The following CNTN5 variants were observed in gnomAD, a reference collection of about 807,000 sequenced individuals.
The protein encoded by CNTN5 is contactin-5.
Under a neutral mutation model 129.1 loss-of-function variants are expected in CNTN5, and 77 were observed. The ratio of observed to expected loss-of-function variants is 0.60; its 90% CI spans 0.50 to 0.72. CNTN5 has a LOEUF of 0.72. Among genes scored for constraint, CNTN5 ranks in the 30% least tolerant of loss-of-function variants. CNTN5 has a pLI of 0.00. For missense variants in CNTN5, 1,478 were observed against 1,328.8 expected, an observed-to-expected ratio of 1.11 and a Z score of -1.75; for synonymous variants, 509 against 465.6, an observed-to-expected ratio of 1.09 and a Z score of -1.20.
chr11:100,171,750 A>G (rs1201378003), intron 13 of CNTN5, among the ~76,000 whole-genome samples: 1 of 151,916 alleles, frequency 6.6e-6, no homozygotes, highest in Non-Finnish European at 1.5e-5. Context: ...TGTGAGATCA[A>G]TTTCTCATTA....
At chr11:99,252,638 G>A (rs900101318) in intron 1 of CNTN5, among the ~76,000 whole-genome samples, 1 of 151,674 alleles carries the variant, frequency 6.6e-6, no homozygotes, top group East Asian at 1.9e-4. Flanking sequence ...TTTTTCATTT[G>A]GTGAGCATAA....
At chr11:99,205,131 G>T (rs941592338) in intron 1 of CNTN5, among the ~76,000 whole-genome samples, 1 of 149,234 alleles carries the variant, frequency 6.7e-6, no homozygotes, top group Non-Finnish European at 1.5e-5. Context: ...CTTTAGAATT[G>T]ATTTAGAATA....
chr11:100,295,036 T>C (rs1300450721), intron 18 of CNTN5, among the ~76,000 whole-genome samples: 2 of 151,636 alleles, frequency 1.3e-5, no homozygotes, highest in Non-Finnish European at 3.0e-5. Context: ...CCTAAAGTTT[T>C]CCATTAGTGA....
At chr11:99,637,868 C>A (rs935385232) in intron 3 of CNTN5, among the ~76,000 whole-genome samples, 2 of 152,006 alleles carry the variant, frequency 1.3e-5, no homozygotes, top group African/African-American at 4.8e-5. Flanking sequence ...CCTCCTGTGT[C>A]TCTGAGCCAG....
intron 1 of CNTN5, among the ~76,000 whole-genome samples, chr11:99,155,928 C>A (rs1360825983): frequency 2.0e-5 from 3 of 151,810 alleles, no homozygotes; most frequent in Non-Finnish European, 4.4e-5. Context: ...TTATACTCTT[C>A]TAGGGAATAA....
At chr11:100,049,625 G>A (rs542408231) in intron 9 of CNTN5, among the ~76,000 whole-genome samples, 29 of 152,114 alleles carry the variant, frequency 1.9e-4, no homozygotes, top group African/African-American at 6.5e-4. Flanking sequence ...TTGACAAATG[G>A]GATCTAATTA....
chr11:99,349,581 G>T (rs1022674979), intron 2 of CNTN5, among the ~76,000 whole-genome samples: 8 of 152,128 alleles, frequency 5.3e-5, no homozygotes, highest in Admixed American at 2.0e-4. Context: ...ATACACCATG[G>T]TGTAATGGAT....
intron 1 of CNTN5, among the ~76,000 whole-genome samples, chr11:99,048,353 T>C (rs1351978486): frequency 6.6e-6 from 1 of 152,124 alleles, no homozygotes; most frequent in African/African-American, 2.4e-5. Context: ...TGCTATGGCA[T>C]CAATCACTGC....
chr11:99,809,946 G>A (rs1410775197), intron 3 of CNTN5, among the ~76,000 whole-genome samples: 2 of 151,920 alleles, frequency 1.3e-5, no homozygotes, highest in Non-Finnish European at 2.9e-5. Context: ...AATTAATTTG[G>A]TTATATTTCT....
chr11:99,638,479 A>AAAAGTCC (rs796554399), intron 3 of CNTN5, among the ~76,000 whole-genome samples: 105 of 152,308 alleles, frequency 6.9e-4, no homozygotes, highest in African/African-American at 2.5e-3. Flanking sequence ...GCATTAACCC[A>AAAAGTCC]AAAGTCCAAA....
rs749584933 is a variant in CNTN5 at position 100,271,096 on chromosome 11, A to C, written c.2169A>C (p.Pro723=). The change falls in exon 18 of 25, where the codon CCA becomes CCC. Residue 723 remains proline (P), a synonymous_variant. Transcript: ENST00000524871. ...AAATTTCCTTCCTTTCTATAGTCCC[A>C]GAAATCATAACAGGGGACATGGAGT... ...SLGWQTVKTV[P]EIITGDMESA... 6.3e-7 allele frequency: 1 copy of C among 1,599,022 alleles called. No homozygotes were observed. Among genetic ancestry groups the C allele is most frequent in the South Asian group, 1.1e-5 (1 of 88,154 alleles).
intron 3 of CNTN5, among the ~76,000 whole-genome samples, chr11:99,803,952 T>C (rs926512854): frequency 6.6e-6 from 1 of 152,190 alleles, no homozygotes; most frequent in African/African-American, 2.4e-5. Flanking sequence ...AATTCTCTAA[T>C]CTACCATCTT....
At chr11:100,308,895 CTGTAT>C in intron 21 of CNTN5, 7 of 984,174 alleles carry the variant, frequency 7.1e-6, no homozygotes, top group Non-Finnish European at 8.4e-6. Flanking sequence ...ATTTAATGAT[CTGTAT>C]TGTATCTATG....
rs201829702 is a variant in CNTN5, at chr11:100,191,149, G to A, written c.1604G>A (p.Ser535Asn). 8.7e-6 allele frequency: 14 copies of A among 1,607,688 alleles called. No individual in the cohort carries two copies. Among genetic ancestry groups the A allele is most frequent in the Non-Finnish European group, 1.2e-5 (14 of 1,176,534 alleles). The change falls in exon 14 of 25, where the codon AGT becomes AAT. Residue 535 changes from serine to asparagine, a missense_variant. Coordinates refer to ENST00000524871, the MANE Select transcript of CNTN5 (RefSeq NM_014361.4). ...NKRIAILPDG[S>N]LRILNASKSD... Reference sequence around the variant, plus strand: ...AGAATAGCTATTCTTCCAGACGGGAGTCTACGGATCCTAAATGCTTCCAAA... The same window carrying A: ...AGAATAGCTATTCTTCCAGACGGGAATCTACGGATCCTAAATGCTTCCAAA...
chr11:100,347,077 T>G (rs1952296808), intron 23 of CNTN5, among the ~76,000 whole-genome samples: 1 of 152,098 alleles, frequency 6.6e-6, no homozygotes, highest in African/African-American at 2.4e-5. Flanking sequence ...GTGGGCATTG[T>G]GGGAACTACA....
At chr11:99,042,446 G>A (rs948347265) in intron 1 of CNTN5, among the ~76,000 whole-genome samples, 15 of 142,584 alleles carry the variant, frequency 1.1e-4, no homozygotes, top group Non-Finnish European at 1.8e-4. Flanking sequence ...CGCAATCTCG[G>A]CTCACTGCAA....
At chr11:100,279,297 T>G (rs2138811593) in intron 18 of CNTN5, among the ~76,000 whole-genome samples, 1 of 152,038 alleles carries the variant, frequency 6.6e-6, no homozygotes, top group Admixed American at 6.5e-5. Flanking sequence ...TTGTCTATTT[T>G]TGGTACCAGG....
intron 21 of CNTN5, among the ~76,000 whole-genome samples, chr11:100,316,435 C>A (rs762123378): frequency 1.3e-5 from 2 of 152,070 alleles, no homozygotes; most frequent in African/African-American, 2.4e-5. Flanking sequence ...AAAAGAAATA[C>A]GTTGGAACAA....
intron 1 of CNTN5, among the ~76,000 whole-genome samples, chr11:99,037,132 C>A (rs1863776071): frequency 6.6e-6 from 1 of 152,110 alleles, no homozygotes; most frequent in Non-Finnish European, 1.5e-5. Flanking sequence ...ATAAAATAAT[C>A]CAGATAAATG....
Sources: gnomAD v4.1 joint callset for allele counts (sites outside exome capture counted in the v4.1 genomes callset) on GRCh38, gnomAD v4.1.1 for gene constraint, MANE v1.5 for transcripts, NCBI Gene and HGNC (gene_info 2026-07-23, HGNC 2026-07-21) for gene names.